CACNA1C: variants seen among roughly 807,000 people sequenced by gnomAD.
CACNA1C encodes the protein calcium voltage-gated channel subunit alpha1 C.
In CACNA1C, 30 loss-of-function variants were observed where a neutral mutation model predicts 229.0. The ratio of observed to expected loss-of-function variants is 0.13; its 90% CI spans 0.10 to 0.18. The LOEUF is 0.18. Among genes scored for constraint, CACNA1C ranks in the 10% least tolerant of loss-of-function variants. CACNA1C has a pLI of 1.00. For missense variants in CACNA1C, 1,658 were observed against 2,845.0 expected, an observed-to-expected ratio of 0.58 and a Z score of 9.49; for synonymous variants, 1,114 against 1,132.5, an observed-to-expected ratio of 0.98 and a Z score of 0.33.
Position 2,595,232 on chromosome 12 carries a change from C to T in CACNA1C, c.2664-642C>T, listed in dbSNP as rs2067550625. Among the ~76,000 whole-genome samples the T allele has an allele frequency of 6.6e-6, 1 of 152,170 alleles. No individual in the cohort carries two copies. The highest frequency in any genetic ancestry group is 1.5e-5 in the Non-Finnish European group (1 of 68,026). ...TAAGGCTGTGTTTCTGGGCAAGCCTCTCCTACTTGGGTTTCAGTGTTCTTA... is the reference window on the plus strand; with the variant it reads ...TAAGGCTGTGTTTCTGGGCAAGCCTTTCCTACTTGGGTTTCAGTGTTCTTA... On this transcript the variant is annotated intron_variant, in intron 19 of 46. Coordinates refer to ENST00000399655, the MANE Select transcript of CACNA1C (RefSeq NM_000719.7). The surrounding 1 kb of genome is among the most constrained non-coding windows in gnomAD (Gnocchi z 4.1).
intron 1 of CACNA1C, chr12:2,010,745 G>A (rs2044254772): frequency 1.3e-5 from 2 of 152,178 alleles, no homozygotes; most frequent in South Asian, 4.1e-4. Flanking sequence ...AATTCCACAT[G>A]AAGAGATCAT....
intron 1 of CACNA1C, among the ~76,000 whole-genome samples, chr12:1,994,271 T>C (rs929273077): frequency 1.3e-4 from 20 of 152,220 alleles, no homozygotes; most frequent in African/African-American, 4.8e-4. Context: ...TTCATTTATT[T>C]ACTTTAAATG....
At chr12:2,474,064 A>G (rs1286000763) in intron 5 of CACNA1C, among the ~76,000 whole-genome samples, 1 of 152,164 alleles carries the variant, frequency 6.6e-6, no homozygotes, top group African/African-American at 2.4e-5. Context: ...TTAGAGAGGT[A>G]TAATTAAGAC....
At position 2,605,197 on chromosome 12, in the gene CACNA1C, C is replaced by A; in HGVS notation, c.3048+29C>A. ...AGTTGAGGGCTTGGGTAGGGAGTCT[C>A]CAGCCAGCCCATTGGGGAGTGGGAG... On this transcript the variant is annotated intron_variant, in intron 23 of 46. Coordinates refer to ENST00000399655, the MANE Select transcript of CACNA1C (RefSeq NM_000719.7). The surrounding 1 kb of genome is among the most constrained non-coding windows in gnomAD (Gnocchi z 6.2). 2.0e-6 allele frequency: 3 copies of A among 1,482,794 alleles called. No individual in the cohort carries two copies. The highest frequency in any genetic ancestry group is 2.8e-6 in the Non-Finnish European group (3 of 1,060,756). The allele number at this position is 1,482,794 out of a possible 1,614,324, so 91.9% of individuals were successfully genotyped here.
At chr12:2,274,600 C>T (rs1162171362) in intron 3 of CACNA1C, among the ~76,000 whole-genome samples, 1 of 152,182 alleles carries the variant, frequency 6.6e-6, no homozygotes, top group East Asian at 1.9e-4. Context: ...CTAATTCACA[C>T]GGTCCCTGCA....
intron 3 of CACNA1C, among the ~76,000 whole-genome samples, chr12:2,226,883 G>A (rs942076805): frequency 1.3e-5 from 2 of 152,220 alleles, no homozygotes; most frequent in African/African-American, 2.4e-5. Flanking sequence ...TAATGAATGC[G>A]CTGGGCAGGC....
At chr12:2,471,683 A>ATT (rs200803798) in intron 5 of CACNA1C, among the ~76,000 whole-genome samples, 11 of 147,690 alleles carry the variant, frequency 7.4e-5, no homozygotes, top group Admixed American at 4.7e-4. Context: ...GAAGTCATTG[A>ATT]TTTTTTTTTT....
intron 1 of CACNA1C, among the ~76,000 whole-genome samples, chr12:2,114,410 C>T (rs1024856102): frequency 6.6e-6 from 1 of 152,144 alleles, no homozygotes; most frequent in Non-Finnish European, 1.5e-5. Context: ...GGAAGTCACA[C>T]AGTGTCACTT....
chr12:2,515,546 C>G (rs569183130), intron 9 of CACNA1C, among the ~76,000 whole-genome samples: 12 of 152,364 alleles, frequency 7.9e-5, no homozygotes, highest in African/African-American at 2.9e-4. Flanking sequence ...TTCTCTTCAG[C>G]TCAAAAGCCA....
rs555018539 is a variant in CACNA1C, at chr12:2,456,757, C to A, written c.618-810C>A. Among the ~76,000 whole-genome samples, 25 of 152,334 alleles carry A rather than the reference C, an allele frequency of 1.6e-4. No homozygotes were observed. In the East Asian group the frequency reaches 2.9e-3, roughly 18 times the overall value. On this transcript the variant is annotated intron_variant, in intron 4 of 46. Coordinates refer to ENST00000399655, the MANE Select transcript of CACNA1C (RefSeq NM_000719.7). ...TGTCTCTGCAGAGCCCCTCCCCGCT[C>A]CTCCTCCTCAGCACTCATCACTCTA...
chr12:2,597,271 C>T lies in CACNA1C; in HGVS notation c.2835C>T (p.Thr945=), dbSNP rs1280430377. The part of the protein sequence containing the change: ...YFDIVFTTIF[T]IEIALKMTAY... Reference sequence around the variant, plus strand: ...ATATTGTTTTTACCACCATTTTCACCATTGAAATTGCTCTGAAGGTAAAGC... The same window carrying T: ...ATATTGTTTTTACCACCATTTTCACTATTGAAATTGCTCTGAAGGTAAAGC... The change falls in exon 21 of 47, where the codon ACC becomes ACT. Residue 945 remains threonine (T), a synonymous_variant. Coordinates refer to ENST00000399655, the MANE Select transcript of CACNA1C (RefSeq NM_000719.7). This position sits in a 1 kb window ranked among gnomAD's most constrained non-coding sequence, Gnocchi z 4.3. The T allele has an allele frequency of 6.2e-7, 1 of 1,612,002 alleles. No homozygotes were observed. Among genetic ancestry groups the T allele is most frequent in the Non-Finnish European group, 8.5e-7 (1 of 1,178,240 alleles).
chr12:2,101,788 C>T (rs572953514), intron 1 of CACNA1C, among the ~76,000 whole-genome samples: 5 of 152,172 alleles, frequency 3.3e-5, no homozygotes, highest in East Asian at 3.9e-4. Context: ...CTGGGGCCAC[C>T]GAGAATACTA....
intron 3 of CACNA1C, among the ~76,000 whole-genome samples, chr12:2,256,233 C>T (rs188409021): frequency 7.9e-5 from 12 of 152,276 alleles, no homozygotes; most frequent in Non-Finnish European, 1.2e-4. Flanking sequence ...TTTTAACAAG[C>T]TTCATAGTTC....
intron 3 of CACNA1C, among the ~76,000 whole-genome samples, chr12:2,249,962 C>T (rs979933052): frequency 1.3e-5 from 2 of 152,158 alleles, no homozygotes; most frequent in Admixed American, 1.3e-4. Flanking sequence ...GCGCCCGCCA[C>T]CACGCCTGGC....
Position 2,691,161 on chromosome 12 carries a change from G to A in CACNA1C, c.6379G>A (p.Glu2127Lys). The A allele has an allele frequency of 6.2e-7, 1 of 1,604,522 alleles. No individual in the cohort carries two copies. The highest frequency in any genetic ancestry group is 8.5e-7 in the Non-Finnish European group (1 of 1,173,542). Residue 2127 changes from glutamate (E) to lysine (K), a missense_variant, in exon 47 of 47, where the codon GAG becomes AAG. Physicochemically the swap from Glu to Lys is moderately conservative, Grantham distance 56 (BLOSUM62 1). Coordinates refer to ENST00000399655, the MANE Select transcript of CACNA1C (RefSeq NM_000719.7). ...VRARGRPSEE[E>K]LQDSRVYVSS... ...CGCGCGGGGTCGACCGAGTGAGGAG[G>A]AGCTCCAGGACAGCAGGGTCTACGT...
chr12:2,191,003 G>A (rs2097193494), intron 3 of CACNA1C, among the ~76,000 whole-genome samples: 1 of 152,188 alleles, frequency 6.6e-6, no homozygotes, highest in South Asian at 2.1e-4. Flanking sequence ...CTCAGCCTGT[G>A]GCCCTGCCTT....
In CACNA1C at chr12:2,688,610, TCAA is replaced by T. The variant is rs1429962087; in HGVS notation, c.5951_5953del (p.Asn1984del). On this transcript the variant is annotated inframe_deletion, in exon 46 of 47. Transcript: ENST00000399655. Reference sequence around the variant, plus strand: ...GAGGGGGTCGAGTCCAGTGAGAAACTCAACAGCAGCTTCCCATCCATCCACTGC... The same window carrying T: ...GAGGGGGTCGAGTCCAGTGAGAAACTCAGCAGCTTCCCATCCATCCACTGC... The T allele has an allele frequency of 6.2e-7, 1 of 1,613,724 alleles. No individual in the cohort carries two copies. Among genetic ancestry groups the T allele is most frequent in the African/African-American group, 1.3e-5 (1 of 74,882 alleles).
At chr12:2,563,363 T>G (rs561899765) in intron 11 of CACNA1C, among the ~76,000 whole-genome samples, 125 of 152,340 alleles carry the variant, frequency 8.2e-4, no homozygotes, top group African/African-American at 3.0e-3. Context: ...TGCAGATATC[T>G]CTTCAGTATA....
chr12:2,053,704 C>A lies in CACNA1C; in HGVS notation c.49+93C>A. 6.2e-6 allele frequency: 8 copies of A among 1,294,594 alleles called. No homozygotes were observed. Among genetic ancestry groups the A allele is most frequent in the Non-Finnish European group, 7.9e-6 (8 of 1,012,148 alleles). 80.2% of individuals were successfully genotyped at this position (1,294,594 alleles called of 1,614,324 possible). On this transcript the variant is annotated intron_variant, in intron 1 of 46. Coordinates refer to ENST00000399655, the MANE Select transcript of CACNA1C (RefSeq NM_000719.7). This position sits in a 1 kb window ranked among gnomAD's most constrained non-coding sequence, Gnocchi z 5.8. ...GCTCCCCGCGGCCCCGGGGCCGGTC[C>A]CTGCGGAGTGGCCCGGGGCCGCGTC...
Sources: gnomAD v4.1 joint callset for allele counts (sites outside exome capture counted in the v4.1 genomes callset) on GRCh38, gnomAD v4.1.1 for gene constraint, Gnocchi (gnomAD v3.1) non-coding constraint, MANE v1.5 for transcripts, NCBI Gene and HGNC (gene_info 2026-07-23, HGNC 2026-07-21) for gene names.